Variants in ACAD11 observed in about 807,000 individuals in gnomAD.
ACAD11 encodes acyl-CoA dehydrogenase family member 11, also known as acyl-Coenzyme A dehydrogenase family, member 11.
A neutral mutation model predicts 102.2 loss-of-function variants in ACAD11; 83 were observed. The observed-to-expected ratio is 0.81, with a 90% CI of 0.68 to 0.97. ACAD11 has a LOEUF of 0.97. Ranked by LOEUF, ACAD11 falls within the 50% of genes least tolerant of loss-of-function variation. The pLI is 0.00. For missense variants in ACAD11, 901 were observed against 951.7 expected, an observed-to-expected ratio of 0.95 and a Z score of 0.70; for synonymous variants, 324 against 319.8, an observed-to-expected ratio of 1.01 and a Z score of -0.14.
Position 132,631,474 on chromosome 3 carries a change from T to A in ACAD11, c.708A>T (p.Arg236=). The A allele has an allele frequency of 6.8e-7, 1 of 1,474,872 alleles. No homozygotes were observed. Among genetic ancestry groups the A allele is most frequent in the Non-Finnish European group, 9.0e-7 (1 of 1,109,214 alleles). 91.4% of individuals were successfully genotyped at this position (1,474,872 alleles called of 1,614,324 possible). A position where few individuals can be genotyped will look rare whatever the true frequency, so the allele number is the denominator to read the frequency against. ...GCTCCCAATCCAGCACTGCTATAAC[T>A]CGACACTGTAATTAAAAATAAAGAG... ...DNIVFHPKEC[R]VIAVLDWELS... Residue 236 remains arginine (R), a synonymous_variant, in exon 6 of 20, where the codon CGA becomes CGT. Transcript: ENST00000264990.
chr3:132,576,873 T>C lies in ACAD11; in HGVS notation c.1846+71A>G, dbSNP rs1576553731. On this transcript the variant is annotated intron_variant, in intron 16 of 19. Transcript: ENST00000264990. ...ACTTCAGGTCTAAATCTGGAAAGAC[T>C]TATCTTTTCCAGATTTAGAGCTGAA... The C allele has an allele frequency of 1.1e-5, 13 of 1,135,922 alleles. No individual in the cohort carries two copies. The East Asian group carries it at 3.1e-4, about 27-fold the overall frequency. The allele number at this position is 1,135,922 out of a possible 1,614,324, so 70.4% of individuals were successfully genotyped here.
intron 13 of ACAD11, among the ~76,000 whole-genome samples, chr3:132,585,498 A>G (rs1045049590): frequency 2.6e-5 from 4 of 152,108 alleles, no homozygotes; most frequent in African/African-American, 9.7e-5. Context: ...ACTTCAATTA[A>G]TTAAACTAAA....
intron 11 of ACAD11, among the ~76,000 whole-genome samples, chr3:132,611,043 T>C (rs1939113010): frequency 6.6e-6 from 1 of 152,116 alleles, no homozygotes; most frequent in Non-Finnish European, 1.5e-5. Flanking sequence ...GTGGGCTTCA[T>C]CCCTGGGATG....
chr3:132,656,230 C>T (rs1341062002), intron 1 of ACAD11, among the ~76,000 whole-genome samples: 2 of 152,188 alleles, frequency 1.3e-5, no homozygotes, highest in Non-Finnish European at 2.9e-5. Context: ...CATTCTGTAT[C>T]TATAGACATT....
intron 15 of ACAD11, chr3:132,578,575 A>T (rs1937555383): frequency 5.5e-6 from 1 of 180,992 alleles, no homozygotes; most frequent in South Asian, 1.9e-4. Context: ...ATATTCTATA[A>T]ATTCTATAAT....
intron 1 of ACAD11, 159 bp downstream of exon 1, chr3:132,659,444 G>T (rs576310098): frequency 1.0e-6 from 1 of 1,004,794 alleles, no homozygotes; most frequent in Admixed American, 3.2e-5. Flanking sequence ...CATCGAATTC[G>T]GAGGGCCGGC....
At position 132,573,476 on chromosome 3, in the gene ACAD11, T is replaced by A. The variant is rs185457539; in HGVS notation, c.2001+2296A>T. On this transcript the variant is annotated intron_variant, in intron 17 of 19. Coordinates refer to ENST00000264990, the MANE Select transcript of ACAD11 (RefSeq NM_032169.5). ...AAATATATTATTAAAATTAATTCCATCTTTTTCTTTTCACTTTTTAAAAAT... is the reference window on the plus strand; with the variant it reads ...AAATATATTATTAAAATTAATTCCAACTTTTTCTTTTCACTTTTTAAAAAT... Among the ~76,000 whole-genome samples, 9 of 152,298 alleles carry A rather than the reference T, an allele frequency of 5.9e-5. No homozygotes were observed. The East Asian group carries it at 1.7e-3, about 29-fold the overall frequency.
chr3:132,618,423 C>T (rs1939492450), intron 11 of ACAD11: 1 of 500,866 alleles, frequency 2.0e-6, no homozygotes. Context: ...TTCACCAATA[C>T]TCTTAATTGT....
intron 1 of ACAD11, among the ~76,000 whole-genome samples, chr3:132,653,827 G>A (rs1191759709): frequency 1.3e-5 from 2 of 152,144 alleles, no homozygotes; most frequent in Admixed American, 6.5e-5. Context: ...ATATTGGGGT[G>A]CCTTGGACTC....
chr3:132,622,611 G>C (rs1226773462), intron 9 of ACAD11, among the ~76,000 whole-genome samples: 8 of 152,092 alleles, frequency 5.3e-5, no homozygotes, highest in Non-Finnish European at 1.0e-4. Context: ...TATCTGCAAA[G>C]TTTATTTGTG....
At chr3:132,641,630 GAGGA>G (rs1303604428) in intron 4 of ACAD11, among the ~76,000 whole-genome samples, 64 of 124,844 alleles carry the variant, frequency 5.1e-4, no homozygotes, top group Admixed American at 1.2e-3. Flanking sequence ...GGAAGAAGAG[GAGGA>G]AGAAGAGGAA....
At chr3:132,634,250 T>C (rs1409934459) in intron 5 of ACAD11, among the ~76,000 whole-genome samples, 2 of 152,132 alleles carry the variant, frequency 1.3e-5, no homozygotes, top group East Asian at 3.9e-4. Context: ...GTGAACGATA[T>C]GAACAGACAC....
intron 11 of ACAD11, among the ~76,000 whole-genome samples, chr3:132,611,034 T>C (rs1939112708): frequency 6.6e-6 from 1 of 152,132 alleles, no homozygotes; most frequent in Admixed American, 6.5e-5. Flanking sequence ...CATGATCAAG[T>C]GGGCTTCATC....
At chr3:132,575,222 T>C (rs1291766069) in intron 17 of ACAD11, among the ~76,000 whole-genome samples, 1 of 152,212 alleles carries the variant, frequency 6.6e-6, no homozygotes, top group Admixed American at 6.5e-5. Flanking sequence ...CTCAGTAGTA[T>C]ATAATTTACA....
intron 11 of ACAD11, among the ~76,000 whole-genome samples, chr3:132,614,748 T>G (rs1323252157): frequency 6.6e-6 from 1 of 152,096 alleles, no homozygotes; most frequent in Non-Finnish European, 1.5e-5. Context: ...GCAATACCAT[T>G]CAGGACATAG....
chr3:132,634,706 C>T (rs945043619), intron 5 of ACAD11, among the ~76,000 whole-genome samples: 5 of 152,132 alleles, frequency 3.3e-5, no homozygotes, highest in African/African-American at 1.2e-4. Context: ...CACATATACA[C>T]TATGGAATAC....
rs781407968 is a variant in ACAD11 at position 132,630,446 on chromosome 3, T to G, written c.954A>C (p.Gly318=). The change falls in exon 7 of 20, where the codon GGA becomes GGC. Residue 318 remains glycine (G), a synonymous_variant. Coordinates refer to ENST00000264990, the MANE Select transcript of ACAD11 (RefSeq NM_032169.5). The stretch of plus-strand genomic sequence containing the variant: ...TAAAACAATTAATTACCTGTGCTAT[T>G]CCAGCCATCTTAAAATATGAAAGGG... ...FLALSYFKMA[G]IAQGVYSRYL... is the part of the protein sequence containing the mutation. 5 of 1,613,304 alleles carry G rather than the reference T, an allele frequency of 3.1e-6. No homozygotes were observed. In the Admixed American group the frequency reaches 5.0e-5, roughly 16 times the overall value.
rs762989059 is a variant in ACAD11, at chr3:132,639,364, C to T, written c.702+128G>A. 27 of 853,366 alleles carry T rather than the reference C, an allele frequency of 3.2e-5. No homozygotes were observed. The East Asian group carries it at 4.8e-4, about 15-fold the overall frequency. 52.9% of individuals were successfully genotyped at this position (853,366 alleles called of 1,614,324 possible). ...CCTTTCTAAAAATTTTGAGTGGTGA[C>T]GACAGTCCTGAGCTGTAGGGGAACA... On this transcript the variant is annotated intron_variant, in intron 5 of 19. Transcript: ENST00000264990.
chr3:132,647,208 T>C (rs1208218665), intron 1 of ACAD11: 1 of 152,192 alleles, frequency 6.6e-6, no homozygotes, highest in East Asian at 1.9e-4. Flanking sequence ...GGAGGATCAT[T>C]GTCAACACTG....
Sources: allele counts gnomAD v4.1 joint callset (sites outside exome capture counted in the v4.1 genomes callset), GRCh38; gene constraint gnomAD v4.1.1; transcripts MANE v1.5; gene names NCBI Gene and HGNC (gene_info 2026-07-23, HGNC 2026-07-21).